Variants in ZNF385D observed in about 807,000 individuals in gnomAD.
ZNF385D encodes the protein zinc finger protein 385D.
ZNF385D carries 15 observed loss-of-function variants against 35.8 expected under a neutral mutation model. That is an observed-to-expected ratio of 0.42 (90% confidence interval 0.28 to 0.64). The LOEUF is 0.64. Ranked by LOEUF, ZNF385D falls within the 30% of genes least tolerant of loss-of-function variation. ZNF385D has a pLI of 0.23. For missense variants in ZNF385D, 474 were observed against 494.6 expected (o/e 0.96, Z 0.39); for synonymous variants, 212 against 186.8 (o/e 1.13, Z -1.10).
intron 2 of ZNF385D, among the ~76,000 whole-genome samples, chr3:21,640,528 A>G (rs995821075): frequency 2.0e-5 from 3 of 152,158 alleles, no homozygotes; most frequent in South Asian, 2.1e-4. Context: ...AGGAGGGTGG[A>G]GCCCCCATGA....
intron 3 of ZNF385D, among the ~76,000 whole-genome samples, chr3:21,764,019 T>C (rs776803520): frequency 5.9e-5 from 9 of 152,104 alleles, no homozygotes; most frequent in Non-Finnish European, 7.4e-5. Context: ...GGTGGATCAA[T>C]GGCTACAACA....
chr3:21,908,118 ATATCTATC>A (rs61001621), intron 3 of ZNF385D, among the ~76,000 whole-genome samples: 12,412 of 135,662 alleles, frequency 0.091, 584 homozygotes, highest in African/African-American at 0.12. Context: ...CTTTCTCTCT[ATATCTATC>A]TATCTATCTA....
intron 3 of ZNF385D, among the ~76,000 whole-genome samples, chr3:21,887,272 C>G (rs936927392): frequency 3.3e-5 from 5 of 152,076 alleles, no homozygotes; most frequent in Admixed American, 2.6e-4. Flanking sequence ...TCTAAGTATG[C>G]CCCTTAATTA....
At chr3:21,441,124 T>C (rs1273143481) in intron 4 of ZNF385D, among the ~76,000 whole-genome samples, 1 of 152,156 alleles carries the variant, frequency 6.6e-6, no homozygotes, top group Non-Finnish European at 1.5e-5. Context: ...AGACATCCCA[T>C]AAAGACTTGA....
intron 2 of ZNF385D, among the ~76,000 whole-genome samples, chr3:22,252,477 G>A (rs1700111519): frequency 2.0e-5 from 3 of 152,050 alleles, no homozygotes; most frequent in Non-Finnish European, 4.4e-5. Flanking sequence ...ATTATTTAAT[G>A]TGGTATGACA....
At chr3:21,877,097 C>T (rs566481261) in intron 3 of ZNF385D, among the ~76,000 whole-genome samples, 35 of 152,140 alleles carry the variant, frequency 2.3e-4, no homozygotes, top group African/African-American at 7.0e-4. Flanking sequence ...CAGGTTTATT[C>T]GCCTGCCCTA....
intron 4 of ZNF385D, among the ~76,000 whole-genome samples, chr3:21,490,369 A>T (rs754125742): frequency 1.2e-4 from 18 of 152,046 alleles, no homozygotes; most frequent in Non-Finnish European, 1.6e-4. Context: ...CCAAAAAAAA[A>T]TTTTCAAATA....
chr3:22,328,759 G>A (rs191119873), intron 2 of ZNF385D, among the ~76,000 whole-genome samples: 1 of 145,290 alleles, frequency 6.9e-6, no homozygotes, highest in African/African-American at 2.6e-5. Context: ...AGACTCCATC[G>A]CCAAAAAAAA....
At chr3:22,012,266 A>C (rs1276234546) in intron 3 of ZNF385D, among the ~76,000 whole-genome samples, 3 of 152,158 alleles carry the variant, frequency 2.0e-5, no homozygotes, top group African/African-American at 7.2e-5. Flanking sequence ...TACAAGCTAA[A>C]ATTGAAATAC....
At chr3:22,364,396 C>T (rs1696557052) in intron 2 of ZNF385D, among the ~76,000 whole-genome samples, 1 of 151,916 alleles carries the variant, frequency 6.6e-6, no homozygotes, top group Non-Finnish European at 1.5e-5. Flanking sequence ...CATGGAACTC[C>T]TAAAATGCAA....
chr3:21,441,617 A>C, intron 4 of ZNF385D: 1 of 846,598 alleles, frequency 1.2e-6, no homozygotes, highest in Non-Finnish European at 1.4e-6. Flanking sequence ...CCATAATGCT[A>C]AGGTATTAAG....
intron 3 of ZNF385D, among the ~76,000 whole-genome samples, chr3:22,104,898 T>C (rs535728560): frequency 1.2e-3 from 188 of 152,272 alleles, no homozygotes; most frequent in Non-Finnish European, 1.8e-3. Context: ...ACTGCTGCTG[T>C]AACTGAAGAG....
At chr3:22,233,495 C>T (rs535448255) in intron 2 of ZNF385D, among the ~76,000 whole-genome samples, 1 of 152,206 alleles carries the variant, frequency 6.6e-6, no homozygotes, top group African/African-American at 2.4e-5. Context: ...TGGTGGTAGT[C>T]CCATGGTGTA....
chr3:21,810,746 A>G (rs1449702125), intron 3 of ZNF385D, among the ~76,000 whole-genome samples: 2 of 151,984 alleles, frequency 1.3e-5, no homozygotes, highest in African/African-American at 2.4e-5. Context: ...AATGAATCAA[A>G]TGGGATTAGA....
At chr3:22,180,631 A>C (rs1042303372) in intron 2 of ZNF385D, among the ~76,000 whole-genome samples, 1 of 152,224 alleles carries the variant, frequency 6.6e-6, no homozygotes, top group Non-Finnish European at 1.5e-5. Context: ...TTGGTTCAAC[A>C]TATGCAAATC....
chr3:21,589,459 G>C (rs1167921520), intron 2 of ZNF385D, among the ~76,000 whole-genome samples: 2 of 152,110 alleles, frequency 1.3e-5, no homozygotes, highest in Non-Finnish European at 2.9e-5. Flanking sequence ...AATGCGAAAA[G>C]CAAAATTTTT....
intron 2 of ZNF385D, among the ~76,000 whole-genome samples, chr3:22,239,633 C>A (rs1170559932): frequency 3.3e-5 from 5 of 150,874 alleles, no homozygotes; most frequent in Admixed American, 3.3e-4. Context: ...AGGAAAATAT[C>A]TAATCTTATG....
intron 3 of ZNF385D, among the ~76,000 whole-genome samples, chr3:21,980,055 A>C (rs943395901): frequency 6.6e-6 from 1 of 152,134 alleles, no homozygotes; most frequent in Non-Finnish European, 1.5e-5. Context: ...AAGATGGTGG[A>C]CTTCCTTTTT....
intron 4 of ZNF385D, among the ~76,000 whole-genome samples, chr3:21,502,164 G>C (rs1002254240): frequency 6.6e-6 from 1 of 152,126 alleles, no homozygotes; most frequent in South Asian, 2.1e-4. Context: ...CTTCCAAAAG[G>C]AACTCAGTTG....
Sources: allele counts gnomAD v4.1 joint callset (sites outside exome capture counted in the v4.1 genomes callset), GRCh38; gene constraint gnomAD v4.1.1; transcripts MANE v1.5; gene names NCBI Gene and HGNC (gene_info 2026-07-23, HGNC 2026-07-21).